WWOX: variants seen among roughly 807,000 people sequenced by gnomAD.
The protein encoded by WWOX is WW domain containing oxidoreductase, also known as WW domain-containing oxidoreductase.
WWOX carries 69 observed loss-of-function variants against 46.2 expected under a neutral mutation model. The ratio of observed to expected loss-of-function variants is 1.49; its 90% CI spans 1.23 to 1.82. WWOX has a LOEUF of 1.82. Ranked by LOEUF, WWOX falls within the 40% of genes most tolerant of loss-of-function variation. The pLI, the probability that WWOX is intolerant of heterozygous loss-of-function variation, is 0.00. For missense variants in WWOX, 919 were observed against 542.6 expected, an observed-to-expected ratio of 1.69 and a Z score of -6.89; for synonymous variants, 359 against 202.6, an observed-to-expected ratio of 1.77 and a Z score of -6.56.
In WWOX at chr16:79,018,139, A is replaced by G. The variant is rs141580908; in HGVS notation, c.1057-193469A>G. 2.9e-3 allele frequency among the ~76,000 whole-genome samples: 446 copies of G among 152,316 alleles called. 2 individuals carry two copies. Among genetic ancestry groups the G allele is most frequent in the African/African-American group, 0.01 (420 of 41,576 alleles). Reference sequence around the variant, plus strand: ...GGAGGCAGAGGTATCATGGCCTTCAAGAATCTTCCGGTTAAACACGGTACT... The same window carrying G: ...GGAGGCAGAGGTATCATGGCCTTCAGGAATCTTCCGGTTAAACACGGTACT... On this transcript the variant is annotated intron_variant, in intron 8 of 8. Transcript: ENST00000566780.
At chr16:79,038,632 G>A (rs1473707130) in intron 8 of WWOX, among the ~76,000 whole-genome samples, 1 of 152,098 alleles carries the variant, frequency 6.6e-6, no homozygotes, top group Non-Finnish European at 1.5e-5. Context: ...TCACTGCAAT[G>A]TCTGCCTCCC....
chr16:78,847,611 G>A (rs951268428), intron 8 of WWOX, among the ~76,000 whole-genome samples: 4 of 151,988 alleles, frequency 2.6e-5, no homozygotes, highest in Non-Finnish European at 4.4e-5. Flanking sequence ...TGGGATTACA[G>A]ACTTGAGCCA....
chr16:78,924,605 A>T (rs954712726), intron 8 of WWOX, among the ~76,000 whole-genome samples: 1 of 152,222 alleles, frequency 6.6e-6, no homozygotes, highest in Non-Finnish European at 1.5e-5. Flanking sequence ...GTAAAAACAT[A>T]TATCAGAGTC....
At chr16:78,932,693 A>C (rs1320734365) in intron 8 of WWOX, among the ~76,000 whole-genome samples, 1 of 152,208 alleles carries the variant, frequency 6.6e-6, no homozygotes, top group African/African-American at 2.4e-5. Context: ...GGTGGAGTTA[A>C]AACAGACTAT....
At chr16:79,096,273 C>G (rs1349732522) in intron 8 of WWOX, among the ~76,000 whole-genome samples, 2 of 152,084 alleles carry the variant, frequency 1.3e-5, no homozygotes, top group African/African-American at 4.8e-5. Flanking sequence ...GTTAGATCAC[C>G]TCTTTCTCCT....
At chr16:78,804,804 G>C (rs549959713) in intron 8 of WWOX, among the ~76,000 whole-genome samples, 17 of 151,770 alleles carry the variant, frequency 1.1e-4, no homozygotes, top group Admixed American at 4.6e-4. Context: ...GCCATCAATA[G>C]AAAAGAAAAA....
chr16:78,315,051 A>G (rs1411567139), intron 5 of WWOX, among the ~76,000 whole-genome samples: 1 of 152,120 alleles, frequency 6.6e-6, no homozygotes, highest in Non-Finnish European at 1.5e-5. Context: ...TCCATCCACC[A>G]TCTATCAATC....
rs544484588 is a variant in WWOX at position 78,366,209 on chromosome 16, C to T, written c.517-20651C>T. On this transcript the variant is annotated intron_variant, in intron 5 of 8. Coordinates refer to ENST00000566780, the MANE Select transcript of WWOX (RefSeq NM_016373.4). ...CAAAAAGCTTTCATGTTCAAGAAGA[C>T]TTGTGGAATGATAGAAAACATTTAA... is the stretch of plus-strand genomic sequence containing the variant. 1.4e-3 allele frequency among the ~76,000 whole-genome samples: 218 copies of T among 152,280 alleles called. 1 individual carries two copies. Among genetic ancestry groups the T allele is most frequent in the Middle Eastern group, 0.014 (4 of 294 alleles).
At chr16:78,556,642 G>T (rs1243419935) in intron 8 of WWOX, among the ~76,000 whole-genome samples, 1 of 152,108 alleles carries the variant, frequency 6.6e-6, no homozygotes, top group Non-Finnish European at 1.5e-5. Flanking sequence ...TCAACCAAAC[G>T]TACCGGTGTG....
chr16:78,914,944 C>T (rs942676355), intron 8 of WWOX, among the ~76,000 whole-genome samples: 4 of 150,760 alleles, frequency 2.7e-5, no homozygotes, highest in Non-Finnish European at 5.9e-5. Flanking sequence ...TGTGGTCTGG[C>T]CTGGTGGAGA....
At chr16:78,591,646 C>G (rs1026239145) in intron 8 of WWOX, among the ~76,000 whole-genome samples, 1 of 152,188 alleles carries the variant, frequency 6.6e-6, no homozygotes, top group Non-Finnish European at 1.5e-5. Flanking sequence ...CTCAGCTGAC[C>G]AAGCTCTAAA....
chr16:78,301,913 G>C (rs2080048724), intron 5 of WWOX, among the ~76,000 whole-genome samples: 1 of 151,710 alleles, frequency 6.6e-6, no homozygotes, highest in Non-Finnish European at 1.5e-5. Context: ...CTACCCATAA[G>C]TTTGGTTTAT....
intron 8 of WWOX, among the ~76,000 whole-genome samples, chr16:78,702,927 G>A (rs1414279589): frequency 6.6e-6 from 1 of 152,120 alleles, no homozygotes; most frequent in African/African-American, 2.4e-5. Flanking sequence ...CAGATGCCTT[G>A]GGAGCTCTCC....
At chr16:78,316,914 TCA>T (rs2080367468) in intron 5 of WWOX, among the ~76,000 whole-genome samples, 2 of 152,202 alleles carry the variant, frequency 1.3e-5, no homozygotes, top group Non-Finnish European at 2.9e-5. Context: ...CTTTGTGAAT[TCA>T]TTATTCGTTT....
chr16:78,374,840 G>T (rs138082264), intron 5 of WWOX, among the ~76,000 whole-genome samples: 1 of 151,954 alleles, frequency 6.6e-6, no homozygotes, highest in African/African-American at 2.4e-5. Flanking sequence ...ACGAGTCTCC[G>T]CACCCGGCCC....
intron 8 of WWOX, among the ~76,000 whole-genome samples, chr16:78,589,384 C>T (rs1025845511): frequency 7.2e-5 from 11 of 152,178 alleles, no homozygotes; most frequent in African/African-American, 2.7e-4. Context: ...TATTGACAGT[C>T]ATTTCTACCT....
At position 78,356,071 on chromosome 16, in the gene WWOX, T is replaced by TAA. The variant is rs61113878; in HGVS notation, c.517-30768_517-30767dup. Among the ~76,000 whole-genome samples, 63 of 76,116 alleles carry TAA rather than the reference T, an allele frequency of 8.3e-4. 3 individuals carry two copies. The highest frequency in any genetic ancestry group is 4.3e-3 in the East Asian group (14 of 3,258). The allele number at this position is 76,116 out of a possible 152,430, so 49.9% of individuals were successfully genotyped here. The stretch of plus-strand genomic sequence containing the variant: ...TATGACCACCAAGATTTTTTTTTCC[T>TAA]AAAAAAAAAAAAAAAAAAAAAAGAA... On this transcript the variant is annotated intron_variant, in intron 5 of 8. Coordinates refer to ENST00000566780, the MANE Select transcript of WWOX (RefSeq NM_016373.4).
At chr16:78,577,285 G>C (rs2044908390) in intron 8 of WWOX, among the ~76,000 whole-genome samples, 1 of 152,200 alleles carries the variant, frequency 6.6e-6, no homozygotes, top group Admixed American at 6.5e-5. Flanking sequence ...TTTCTGTCCA[G>C]TTTGTTGTAT....
chr16:78,251,444 C>A (rs925082783), intron 5 of WWOX, among the ~76,000 whole-genome samples: 1 of 152,172 alleles, frequency 6.6e-6, no homozygotes, highest in Non-Finnish European at 1.5e-5. Context: ...GCTCGTTACA[C>A]AGCATTGCCT....
Sources: gnomAD v4.1 joint callset for allele counts (sites outside exome capture counted in the v4.1 genomes callset) on GRCh38, gnomAD v4.1.1 for gene constraint, MANE v1.5 for transcripts, NCBI Gene and HGNC (gene_info 2026-07-23, HGNC 2026-07-21) for gene names.